Variants in GABRB1 observed in about 807,000 individuals in gnomAD.
GABRB1 encodes gamma-aminobutyric acid receptor subunit beta-1.
In GABRB1, 17 loss-of-function variants were observed where a neutral mutation model predicts 51.6. The ratio of observed to expected loss-of-function variants is 0.33; its 90% CI spans 0.23 to 0.49. The LOEUF (loss-of-function observed/expected upper bound fraction) is 0.49, where lower values mean the gene tolerates loss of function less well. GABRB1 is among the 20% of genes least tolerant of loss of function. GABRB1 has a pLI of 0.99. For missense variants in GABRB1, 410 were observed against 600.6 expected (o/e 0.68, Z 3.32); for synonymous variants, 247 against 218.9 (o/e 1.13, Z -1.14).
intron 4 of GABRB1, among the ~76,000 whole-genome samples, chr4:47,261,392 C>T (rs1722431143): frequency 6.6e-6 from 1 of 152,118 alleles, no homozygotes; most frequent in South Asian, 2.1e-4. Context: ...TTCTTATACA[C>T]CAATAACAGA....
chr4:47,297,357 G>A (rs1247439901), intron 4 of GABRB1, among the ~76,000 whole-genome samples: 28 of 118,218 alleles, frequency 2.4e-4, no homozygotes, highest in African/African-American at 5.9e-4. Context: ...TTGATAGACC[G>A]CTAGCAAGAC....
intron 4 of GABRB1, among the ~76,000 whole-genome samples, chr4:47,196,005 CAAACCA>C: frequency 6.6e-6 from 1 of 152,260 alleles, no homozygotes; most frequent in East Asian, 1.9e-4. Flanking sequence ...TGTGGTAGCT[CAAACCA>C]TATGTAGTAG....
In GABRB1 at chr4:47,032,002, G is replaced by A; in HGVS notation, c.169G>A (p.Gly57Arg). The A allele has an allele frequency of 6.2e-7, 1 of 1,611,584 alleles. No individual in the cohort carries two copies. The highest frequency in any genetic ancestry group is 8.5e-7 in the Non-Finnish European group (1 of 1,178,924). ...GYDIRLRPDF[G>R]GPPVDVGMRI... ...TGACATTCGCTTGCGGCCGGACTTC[G>A]GAGGTAACGCTTCATCTTTTTTCAA... The change falls in exon 2 of 9, where the codon GGA becomes AGA. Residue 57 changes from glycine (G) to arginine (R), a missense_variant. Physicochemically the swap from Gly to Arg is moderately radical, Grantham distance 125 (BLOSUM62 -2). Transcript: ENST00000295454.
chr4:47,146,036 G>A lies in GABRB1; in HGVS notation c.241-15213G>A, dbSNP rs530724364. Among the ~76,000 whole-genome samples the A allele has an allele frequency of 5.3e-5, 8 of 152,172 alleles. No homozygotes were observed. In the South Asian group the frequency reaches 1.7e-3, roughly 32 times the overall value. ...ATAGGGAAATGGGCACAGACATAGT[G>A]TGGAAGATTGGGGCAACTCAAGCTG... On this transcript the variant is annotated intron_variant, in intron 3 of 8. Transcript: ENST00000295454.
At chr4:47,301,360 G>A (rs1724252268) in intron 4 of GABRB1, among the ~76,000 whole-genome samples, 1 of 151,794 alleles carries the variant, frequency 6.6e-6, no homozygotes, top group Non-Finnish European at 1.5e-5. Flanking sequence ...AATAAGACTG[G>A]ACATGGTGGC....
At chr4:47,028,909 CT>C (rs1039784976), upstream of GABRB1, among the ~76,000 whole-genome samples, 3 of 147,918 alleles carry the variant, frequency 2.0e-5, no homozygotes, top group African/African-American at 7.4e-5. Flanking sequence ...CATAATATAT[CT>C]TTTGGGTTTT....
chr4:47,266,059 A>T (rs1014193897), intron 4 of GABRB1, among the ~76,000 whole-genome samples: 5 of 152,062 alleles, frequency 3.3e-5, no homozygotes, highest in African/African-American at 1.2e-4. Flanking sequence ...TTCTTCTACA[A>T]TTTTTATAGT....
chr4:47,227,830 G>C (rs951155021), intron 4 of GABRB1, among the ~76,000 whole-genome samples: 2 of 152,126 alleles, frequency 1.3e-5, no homozygotes, highest in Non-Finnish European at 2.9e-5. Flanking sequence ...CACTCTCTTT[G>C]CCTTGCAGAT....
intron 3 of GABRB1, among the ~76,000 whole-genome samples, chr4:47,046,368 A>C (rs1560509886): frequency 6.6e-6 from 1 of 152,156 alleles, no homozygotes; most frequent in Non-Finnish European, 1.5e-5. Context: ...AATATTATTT[A>C]TCTGTTCACT....
intron 4 of GABRB1, among the ~76,000 whole-genome samples, chr4:47,272,040 A>G (rs1036400411): frequency 2.0e-5 from 3 of 152,162 alleles, no homozygotes; most frequent in Admixed American, 1.3e-4. Flanking sequence ...AAACGACTCC[A>G]TGTATGGTCC....
chr4:47,174,166 G>T (rs113134887), intron 4 of GABRB1, among the ~76,000 whole-genome samples: 21 of 152,160 alleles, frequency 1.4e-4, no homozygotes, highest in African/African-American at 4.8e-4. Context: ...CCAGGCTTAA[G>T]CAATATGCCT....
At chr4:47,173,603 C>T (rs879875725) in intron 4 of GABRB1, among the ~76,000 whole-genome samples, 13 of 152,110 alleles carry the variant, frequency 8.5e-5, no homozygotes, top group Admixed American at 2.6e-4. Context: ...TAAAAAATCA[C>T]AAAACTCAAA....
At chr4:47,134,262 G>T (rs907633329) in intron 3 of GABRB1, among the ~76,000 whole-genome samples, 10 of 152,084 alleles carry the variant, frequency 6.6e-5, no homozygotes, top group African/African-American at 1.2e-4. Flanking sequence ...TTGGTACTTT[G>T]AAAAGAATTA....
intron 4 of GABRB1, among the ~76,000 whole-genome samples, chr4:47,283,356 C>CCTTTTT: frequency 1.3e-5 from 1 of 77,298 alleles, no homozygotes; most frequent in South Asian, 4.5e-4. Context: ...CTGGTGGCCC[C>CCTTTTT]TTTTTTTTTT....
At position 47,251,112 on chromosome 4, in the gene GABRB1, A is replaced by T. The variant is rs577024682; in HGVS notation, c.462-69015A>T. Reference sequence around the variant, plus strand: ...GGAAGGTCTAGGGCTGAAGGCCGTTATTCAGATTCCTTTGTCCCATAGGGT... The same window carrying T: ...GGAAGGTCTAGGGCTGAAGGCCGTTTTTCAGATTCCTTTGTCCCATAGGGT... On this transcript the variant is annotated intron_variant, in intron 4 of 8. Transcript: ENST00000295454. 5.9e-5 allele frequency among the ~76,000 whole-genome samples: 9 copies of T among 152,252 alleles called. 1 individual carries two copies. Among genetic ancestry groups the T allele is most frequent in the African/African-American group, 2.2e-4 (9 of 41,554 alleles).
At chr4:47,008,853 C>CTT (rs1491180948) in intron 1 of GABRB1, among the ~76,000 whole-genome samples, 2 of 80,064 alleles carry the variant, frequency 2.5e-5, no homozygotes, top group Non-Finnish European at 4.5e-5. Context: ...CAGATACTAC[C>CTT]TTTTTTTTTT....
At chr4:47,238,534 C>T (rs543390445) in intron 4 of GABRB1, among the ~76,000 whole-genome samples, 4 of 152,154 alleles carry the variant, frequency 2.6e-5, no homozygotes, top group Non-Finnish European at 4.4e-5. Context: ...ACAAATAATG[C>T]CAGCTTTCTA....
chr4:47,058,203 T>A (rs1281340379), intron 3 of GABRB1, among the ~76,000 whole-genome samples: 1 of 152,186 alleles, frequency 6.6e-6, no homozygotes, highest in Non-Finnish European at 1.5e-5. Context: ...GAACAAAGCA[T>A]TCATTTCTGT....
intron 4 of GABRB1, among the ~76,000 whole-genome samples, chr4:47,188,545 A>G (rs1719289251): frequency 6.6e-6 from 1 of 151,944 alleles, no homozygotes; most frequent in Non-Finnish European, 1.5e-5. Context: ...ATAAAAACAC[A>G]TTGTTACTCT....
Sources: allele counts gnomAD v4.1 joint callset (sites outside exome capture counted in the v4.1 genomes callset), GRCh38; gene constraint gnomAD v4.1.1; transcripts MANE v1.5; gene names NCBI Gene and HGNC (gene_info 2026-07-23, HGNC 2026-07-21).